AQP7: variants seen among roughly 807,000 people sequenced by gnomAD.
The protein encoded by AQP7 is aquaporin-7.
In AQP7, 22 loss-of-function variants were observed where a neutral mutation model predicts 26.1. That is an observed-to-expected ratio of 0.84 (90% CI 0.60 to 1.20). The LOEUF (loss-of-function observed/expected upper bound fraction) is 1.20, where lower values mean the gene tolerates loss of function less well. AQP7 is among the 50% of genes most tolerant of loss of function. AQP7 has a pLI of 0.00. For synonymous variants in AQP7, 167 were observed against 181.7 expected (o/e 0.92, Z 0.65); for missense variants, 412 against 457.5 (o/e 0.90, Z 0.91).
chr9:33,401,435 AGC>A, intron 1 of AQP7, 148 bp from the exon 2 acceptor site: 1 of 674,716 alleles, frequency 1.5e-6, no homozygotes, highest in South Asian at 1.7e-5. Context: ...GGGAGGGAGG[AGC>A]GGTGCTCAGC....
intron 5 of AQP7, 22 bp from the exon 6 acceptor site, chr9:33,386,217 T>G (rs771193242): frequency 3.1e-6 from 5 of 1,613,840 alleles, no homozygotes; most frequent in South Asian, 2.2e-5. Context: ...CAGACTGTCA[T>G]GCGAACCTGC....
intron 3 of AQP7, among the ~76,000 whole-genome samples, chr9:33,393,101 G>A (rs982129137): frequency 1.4e-4 from 21 of 152,114 alleles, no homozygotes; most frequent in African/African-American, 4.6e-4. Flanking sequence ...ACTGGCACGC[G>A]CCTGTAGTCC....
At chr9:33,397,519 C>T (rs1825943506) in intron 2 of AQP7, among the ~76,000 whole-genome samples, 1 of 151,518 alleles carries the variant, frequency 6.6e-6, no homozygotes, top group Non-Finnish European at 1.5e-5. Flanking sequence ...ATCTACTCCT[C>T]CCTGGTTTTG....
At chr9:33,400,454 A>G (rs570292117) in intron 2 of AQP7, among the ~76,000 whole-genome samples, 2 of 152,254 alleles carry the variant, frequency 1.3e-5, no homozygotes, top group African/African-American at 4.8e-5. Flanking sequence ...ACTAGTCACC[A>G]GAGGACTCTC....
At chr9:33,386,898 G>A in intron 4 of AQP7, 71 bp downstream of exon 4, 1 of 1,597,196 alleles carries the variant, frequency 6.3e-7, no homozygotes, top group Non-Finnish European at 8.5e-7. Context: ...GAAGCTGGCT[G>A]AGGCGGGCAG....
chr9:33,384,837 G>T lies in AQP7; in HGVS notation c.*168C>A. ...GCACCCCAGTTCCCAGGGCATGAAAGACTTGAGGTGCCTCACCTCTACACC... is the reference window on the plus strand; with the variant it reads ...GCACCCCAGTTCCCAGGGCATGAAATACTTGAGGTGCCTCACCTCTACACC... On this transcript the variant is annotated 3_prime_UTR_variant, in exon 8 of 8. Coordinates refer to ENST00000297988, the MANE Select transcript of AQP7 (RefSeq NM_001170.3). 1 of 768,792 alleles carries T rather than the reference G, an allele frequency of 1.3e-6. No individual in the cohort carries two copies. The highest frequency in any genetic ancestry group is 2.1e-6 in the Non-Finnish European group (1 of 477,722). 47.6% of individuals were successfully genotyped at this position (768,792 alleles called of 1,614,324 possible). A position where few individuals can be genotyped will look rare whatever the true frequency, so the allele number is the denominator to read the frequency against.
chr9:33,388,191 G>A (rs1825047328), intron 3 of AQP7, among the ~76,000 whole-genome samples: 1 of 152,192 alleles, frequency 6.6e-6, no homozygotes, highest in African/African-American at 2.4e-5. Context: ...GAACTCTCCT[G>A]GTGTTCCGCG....
chr9:33,388,708 C>T (rs947151457), intron 3 of AQP7, among the ~76,000 whole-genome samples: 18 of 152,198 alleles, frequency 1.2e-4, no homozygotes, highest in Admixed American at 5.9e-4. Context: ...TAATCTGAAG[C>T]TTAGAGAACT....
chr9:33,388,197 C>G (rs572478472), intron 3 of AQP7, among the ~76,000 whole-genome samples: 1 of 152,324 alleles, frequency 6.6e-6, no homozygotes, highest in South Asian at 2.1e-4. Flanking sequence ...TCCTGGTGTT[C>G]CGCGGGCGTC....
chr9:33,391,944 A>G (rs1220267692), intron 3 of AQP7, among the ~76,000 whole-genome samples: 1 of 152,168 alleles, frequency 6.6e-6, no homozygotes, highest in Non-Finnish European at 1.5e-5. Flanking sequence ...TGGCTGGGGG[A>G]GCATTAACAA....
intron 5 of AQP7, 27 bp from the exon 6 acceptor site, chr9:33,386,222 A>G (rs1332821156): frequency 6.2e-7 from 1 of 1,613,688 alleles, no homozygotes; most frequent in Non-Finnish European, 8.5e-7. Flanking sequence ...TGTCATGCGA[A>G]CCTGCTCCCA....
At chr9:33,401,044 G>A in intron 2 of AQP7, 193 bp downstream of exon 2, 1 of 641,506 alleles carries the variant, frequency 1.6e-6, no homozygotes, top group Non-Finnish European at 2.8e-6. Flanking sequence ...CCTCACCCCA[G>A]GACCCAGCCC....
chr9:33,395,401 G>T, intron 2 of AQP7: 1 of 584,238 alleles, frequency 1.7e-6, no homozygotes, highest in Non-Finnish European at 3.1e-6. Flanking sequence ...TAGATGGCCA[G>T]GCCATGCCCC....
chr9:33,399,007 G>C (rs1587151500), intron 2 of AQP7, among the ~76,000 whole-genome samples: 1 of 132,468 alleles, frequency 7.5e-6, no homozygotes, highest in Non-Finnish European at 1.6e-5. Context: ...GTCTCACTCT[G>C]TCGCCCAGGC....
intron 2 of AQP7, 130 bp from the exon 3 acceptor site, chr9:33,395,325 A>C: frequency 1.4e-6 from 1 of 737,832 alleles, no homozygotes; most frequent in Non-Finnish European, 2.3e-6. Context: ...CCTCTTGCGC[A>C]GGGCAGCTGG....
Position 33,386,640 on chromosome 9 carries a change from C to T in AQP7, c.269-99G>A, listed in dbSNP as rs1000329908. Reference sequence around the variant, plus strand: ...GATGGCTAGTGTGTATGACAGCATGCTCCGTGACAGAGCTCTCTCCTTGAG... The same window carrying T: ...GATGGCTAGTGTGTATGACAGCATGTTCCGTGACAGAGCTCTCTCCTTGAG... On this transcript the variant is annotated intron_variant, in intron 4 of 7. Transcript: ENST00000297988. 10 of 1,438,566 alleles carry T rather than the reference C, an allele frequency of 7.0e-6. No individual in the cohort carries two copies. In the African/African-American group the frequency reaches 1.1e-4, roughly 16 times the overall value. 89.1% of individuals were successfully genotyped at this position (1,438,566 alleles called of 1,614,324 possible). A position where few individuals can be genotyped will look rare whatever the true frequency, so the allele number is the denominator to read the frequency against.
chr9:33,390,461 A>T (rs1825284789), intron 3 of AQP7, among the ~76,000 whole-genome samples: 1 of 150,064 alleles, frequency 6.7e-6, no homozygotes, highest in Non-Finnish European at 1.5e-5. Flanking sequence ...AGATCAAGCC[A>T]TTTGCTGATT....
At chr9:33,388,616 G>A (rs1014696863) in intron 3 of AQP7, among the ~76,000 whole-genome samples, 12 of 152,132 alleles carry the variant, frequency 7.9e-5, no homozygotes, top group Admixed American at 4.6e-4. Flanking sequence ...ACATGCCAGC[G>A]AGTTATACTG....
At chr9:33,387,737 G>C (rs1325112255) in intron 3 of AQP7, among the ~76,000 whole-genome samples, 1 of 151,990 alleles carries the variant, frequency 6.6e-6, no homozygotes, top group East Asian at 1.9e-4. Flanking sequence ...TCAGTCCAGA[G>C]CCACTGTTCC....
Sources: gnomAD v4.1 joint callset for allele counts (sites outside exome capture counted in the v4.1 genomes callset) on GRCh38, gnomAD v4.1.1 for gene constraint, MANE v1.5 for transcripts, NCBI Gene and HGNC (gene_info 2026-07-23, HGNC 2026-07-21) for gene names.